The following CASTOR2 variants were observed in gnomAD, a reference collection of about 807,000 sequenced individuals.
CASTOR2 encodes GATS protein like 2.
CASTOR2 carries 8 observed loss-of-function variants against 31.2 expected under a neutral mutation model. The ratio of observed to expected loss-of-function variants is 0.26; its 90% CI spans 0.15 to 0.46. The LOEUF (loss-of-function observed/expected upper bound fraction) is 0.46, where lower values mean the gene tolerates loss of function less well. Ranked by LOEUF, CASTOR2 falls within the 20% of genes least tolerant of loss-of-function variation. The pLI, the probability that CASTOR2 is intolerant of heterozygous loss-of-function variation, is 0.99. For missense variants in CASTOR2, 216 were observed against 382.1 expected, an observed-to-expected ratio of 0.57 and a Z score of 3.62; for synonymous variants, 162 against 158.7, an observed-to-expected ratio of 1.02 and a Z score of -0.16.
chr7:75,010,393 G>T (rs1285050999), intron 2 of CASTOR2, among the ~76,000 whole-genome samples: 2 of 152,122 alleles, frequency 1.3e-5, no homozygotes, highest in African/African-American at 2.4e-5. Context: ...AGGTTGTTGG[G>T]CTGGGTTAGG....
intron 1 of CASTOR2, among the ~76,000 whole-genome samples, chr7:75,005,198 C>T (rs1276648674): frequency 6.6e-6 from 1 of 152,120 alleles, no homozygotes; most frequent in African/African-American, 2.4e-5. Flanking sequence ...GATCTTGTAA[C>T]CACTGCCACA....
chr7:75,000,646 A>G (rs2131939415), intron 1 of CASTOR2, among the ~76,000 whole-genome samples: 2 of 152,006 alleles, frequency 1.3e-5, no homozygotes, highest in East Asian at 3.9e-4. Context: ...CCCGCTGGCC[A>G]GGCTCTTTTT....
intron 1 of CASTOR2, among the ~76,000 whole-genome samples, chr7:74,971,099 A>C (rs1334433511): frequency 3.3e-5 from 5 of 149,698 alleles, no homozygotes; most frequent in African/African-American, 1.2e-4. Flanking sequence ...TGGTTCAAGC[A>C]ATTCTCCTGC....
Position 74,974,268 on chromosome 7 carries a change from C to T in CASTOR2, c.113+9170C>T, listed in dbSNP as rs1454983525. Among the ~76,000 whole-genome samples the T allele has an allele frequency of 4.1e-5, 6 of 147,494 alleles. No homozygotes were observed. In the South Asian group the frequency reaches 1.1e-3, roughly 27 times the overall value. Reference sequence around the variant, plus strand: ...CAGGGAACAAGCCACTGTCCTGTGGCGGGTGCAAATTGGTATGCTCTGTTC... The same window carrying T: ...CAGGGAACAAGCCACTGTCCTGTGGTGGGTGCAAATTGGTATGCTCTGTTC... On this transcript the variant is annotated intron_variant, in intron 1 of 8. Coordinates refer to ENST00000616305, the MANE Select transcript of CASTOR2 (RefSeq NM_001145064.3).
chr7:75,020,100 C>G lies in CASTOR2; in HGVS notation c.697C>G (p.Leu233Val). 1 of 1,551,530 alleles carries G rather than the reference C, an allele frequency of 6.4e-7. No individual in the cohort carries two copies. The highest frequency in any genetic ancestry group is 8.7e-7 in the Non-Finnish European group (1 of 1,146,832). Residue 233 changes from leucine (L) to valine (V), a missense_variant, in exon 6 of 9, where the codon CTC (leucine) becomes GTC (valine). By Grantham distance (32) the Leu-to-Val change is conservative. Around this residue, in one of 5 missense-constraint regions of CASTOR2, gnomAD observed 44 missense variants for 57.5 expected, o/e 0.76. Transcript: ENST00000616305. ...CGHIRFFSFS[L>V]IEGYISLVMD... ...CCACATCCGCTTCTTCTCCTTCTCC[C>G]TCATCGAGGGCTACATCTCCCTGGT...
Position 75,026,178 on chromosome 7 carries a change from C to T in CASTOR2, c.*1479C>T, listed in dbSNP as rs1805122913. 8.8e-6 allele frequency among the ~76,000 whole-genome samples: 1 copy of T among 113,130 alleles called. No homozygotes were observed. The highest frequency in any genetic ancestry group is 2.0e-5 in the Non-Finnish European group (1 of 50,786). The allele number at this position is 113,130 out of a possible 152,430, so 74.2% of individuals were successfully genotyped here. On this transcript the variant is annotated 3_prime_UTR_variant, in exon 9 of 9. Transcript: ENST00000616305. ...GGACCAAGGGCCCCTGTGGTTTTGG[C>T]TCTGGCGGGGGTTTTTTTTTTTTTT...
chr7:75,006,923 C>T (rs1317605869), intron 1 of CASTOR2, among the ~76,000 whole-genome samples: 1 of 143,646 alleles, frequency 7.0e-6, no homozygotes, highest in African/African-American at 2.5e-5. Context: ...TATAAATTAC[C>T]CAGTCTCGGG....
At chr7:74,988,135 T>G (rs1294806721) in intron 1 of CASTOR2, among the ~76,000 whole-genome samples, 4 of 151,694 alleles carry the variant, frequency 2.6e-5, no homozygotes, top group African/African-American at 9.7e-5. Flanking sequence ...CACTCCTTTT[T>G]TTTTTCTTTT....
chr7:74,998,876 C>T (rs1172167051), intron 1 of CASTOR2, among the ~76,000 whole-genome samples: 25 of 152,240 alleles, frequency 1.6e-4, no homozygotes, highest in African/African-American at 5.5e-4. Context: ...CTGCCCTATC[C>T]GTCCCCTTTG....
At chr7:75,019,967 C>A in intron 5 of CASTOR2, 72 bp from the exon 6 acceptor site, 1 of 1,429,148 alleles carries the variant, frequency 7.0e-7, no homozygotes, top group Middle Eastern at 2.3e-4. Context: ...CAGGGCCCAG[C>A]TTCCCTGGGC....
chr7:74,972,032 G>A (rs2131913484), intron 1 of CASTOR2, among the ~76,000 whole-genome samples: 1 of 150,674 alleles, frequency 6.6e-6, no homozygotes, highest in East Asian at 1.9e-4. Flanking sequence ...AGGCTGGAGT[G>A]CAGTGGCACC....
At chr7:75,002,687 G>A (rs1230041994) in intron 1 of CASTOR2, among the ~76,000 whole-genome samples, 2 of 152,180 alleles carry the variant, frequency 1.3e-5, no homozygotes, top group African/African-American at 4.8e-5. Context: ...GGGCGTTGAG[G>A]CCAGGAGTGG....
chr7:75,012,252 A>G (rs1281522779), intron 2 of CASTOR2, among the ~76,000 whole-genome samples: 10 of 152,110 alleles, frequency 6.6e-5, no homozygotes, highest in Non-Finnish European at 5.9e-5. Flanking sequence ...CTAGGAGGAC[A>G]ACTGTACCCC....
chr7:75,007,167 G>C (rs1216227680), intron 1 of CASTOR2, among the ~76,000 whole-genome samples: 1 of 152,062 alleles, frequency 6.6e-6, no homozygotes, highest in Non-Finnish European at 1.5e-5. Flanking sequence ...GTGGGGGTGC[G>C]GTTCTGGCTA....
intron 1 of CASTOR2, among the ~76,000 whole-genome samples, chr7:74,987,706 C>CT (rs1323003306): frequency 3.3e-5 from 5 of 152,110 alleles, no homozygotes; most frequent in Non-Finnish European, 7.3e-5. Context: ...GTCTGGTTTT[C>CT]TTTTTTTCTT....
rs1161984415 is a variant in CASTOR2, at chr7:75,028,637, C to T, written c.*3938C>T. The stretch of plus-strand genomic sequence containing the variant: ...TCCCTGCCACTGATAAGTTCTGCCT[C>T]GTCGTGGGGCTCCCCTGGTTCCCAA... On this transcript the variant is annotated 3_prime_UTR_variant, in exon 9 of 9. Transcript: ENST00000616305. Among the ~76,000 whole-genome samples the T allele has an allele frequency of 2.0e-5, 3 of 152,144 alleles. No individual in the cohort carries two copies. Among genetic ancestry groups the T allele is most frequent in the African/African-American group, 7.2e-5 (3 of 41,440 alleles).
rs2131962753 is a variant in CASTOR2, at chr7:75,027,857, T to A, written c.*3158T>A. 2.7e-6 allele frequency: 2 copies of A among 745,712 alleles called. 1 individual carries two copies. The highest frequency in any genetic ancestry group is 5.4e-5 in the East Asian group (2 of 37,014). The allele number at this position is 745,712 out of a possible 1,614,324, so 46.2% of individuals were successfully genotyped here. A position where few individuals can be genotyped will look rare whatever the true frequency, so the allele number is the denominator to read the frequency against. ...TCTTCGGGGTGGGGTGTGAGTGTGG[T>A]TTTTCCCAGGCAGGGGCCGTCTGCC... is the stretch of plus-strand genomic sequence containing the variant. On this transcript the variant is annotated 3_prime_UTR_variant, in exon 9 of 9. Transcript: ENST00000616305.
chr7:74,967,667 C>CGAGTAGCT (rs1455674732), intron 1 of CASTOR2, among the ~76,000 whole-genome samples: 1 of 71,754 alleles, frequency 1.4e-5, no homozygotes, highest in Non-Finnish European at 2.8e-5. Flanking sequence ...CTCAGCCTCC[C>CGAGTAGCT]GAGTAGCTGG....
At chr7:75,010,600 G>C (rs1230840444) in intron 2 of CASTOR2, among the ~76,000 whole-genome samples, 1 of 152,048 alleles carries the variant, frequency 6.6e-6, no homozygotes, top group African/African-American at 2.4e-5. Flanking sequence ...TGTGACTTTT[G>C]AAACTGTCTT....
Sources: gnomAD v4.1 joint callset for allele counts (sites outside exome capture counted in the v4.1 genomes callset) on GRCh38, gnomAD v4.1.1 for gene constraint, gnomAD v4.1.1 regional missense constraint, MANE v1.5 for transcripts, NCBI Gene and HGNC (gene_info 2026-07-23, HGNC 2026-07-21) for gene names.